Variants in ABLIM1 observed in about 807,000 individuals in gnomAD.
ABLIM1 encodes actin binding LIM protein 1.
In ABLIM1, 40 loss-of-function variants were observed where a neutral mutation model predicts 107.0. The ratio of observed to expected loss-of-function variants is 0.37; its 90% CI spans 0.29 to 0.49. ABLIM1 has a LOEUF of 0.49. Ranked by LOEUF, ABLIM1 falls within the 20% of genes least tolerant of loss-of-function variation. ABLIM1 has a pLI of 0.97. For missense variants in ABLIM1, 857 were observed against 1,008.5 expected, an observed-to-expected ratio of 0.85 and a Z score of 2.04; for synonymous variants, 357 against 357.3, an observed-to-expected ratio of 1.00 and a Z score of 0.01.
intron 6 of ABLIM1, among the ~76,000 whole-genome samples, chr10:114,493,480 C>A (rs955202591): frequency 1.3e-5 from 2 of 152,142 alleles, no homozygotes; most frequent in Non-Finnish European, 2.9e-5. Context: ...AAGACAGGAA[C>A]AAGACAAAGG....
chr10:114,499,278 C>A (rs2060080582), intron 6 of ABLIM1, among the ~76,000 whole-genome samples: 1 of 152,226 alleles, frequency 6.6e-6, no homozygotes, highest in African/African-American at 2.4e-5. Context: ...AAAGACGTAG[C>A]ACTGAAAGAT....
At chr10:114,461,127 G>A (rs186352424) in intron 12 of ABLIM1, among the ~76,000 whole-genome samples, 48 of 150,968 alleles carry the variant, frequency 3.2e-4, no homozygotes, top group Admixed American at 7.9e-4. Context: ...GCAGTGGCTC[G>A]ATCTCAGCTC....
At chr10:114,550,291 A>C (rs2067894930) in intron 4 of ABLIM1, among the ~76,000 whole-genome samples, 2 of 152,200 alleles carry the variant, frequency 1.3e-5, no homozygotes, top group African/African-American at 4.8e-5. Context: ...AGTTTACTAT[A>C]AAGATAAAAA....
At position 114,547,712 on chromosome 10, in the gene ABLIM1, C is replaced by A; in HGVS notation, c.738G>T (p.Trp246Cys). 6.2e-7 allele frequency: 1 copy of A among 1,613,554 alleles called. No homozygotes were observed. The highest frequency in any genetic ancestry group is 8.5e-7 in the Non-Finnish European group (1 of 1,180,032). Residue 246 changes from tryptophan to cysteine, a missense_variant, in exon 5 of 23, where the codon TGG becomes TGT. Around this residue, in one of 5 missense-constraint regions of ABLIM1, gnomAD observed 381 missense variants for 506.9 expected, o/e 0.75. Transcript: ENST00000533213. ...GQALLALDKQWHLGCFKCKSC... is the reference protein window; with the variant it reads ...GQALLALDKQCHLGCFKCKSC... The stretch of plus-strand genomic sequence containing the variant: ...ACTTGCATTTAAAGCACCCCAAGTG[C>A]CACTGCTTATCCAGCGCCAGCAGCG...
intron 10 of ABLIM1, among the ~76,000 whole-genome samples, chr10:114,468,604 C>T (rs958287222): frequency 2.6e-5 from 4 of 151,752 alleles, no homozygotes; most frequent in Admixed American, 2.6e-4. Context: ...AGTTGTTTAT[C>T]AGAGTCAGCT....
chr10:114,598,837 T>C (rs1022240998), intron 2 of ABLIM1, among the ~76,000 whole-genome samples: 3 of 149,782 alleles, frequency 2.0e-5, no homozygotes, highest in African/African-American at 7.4e-5. Flanking sequence ...GTGGCTTGCA[T>C]TTTTTTTTTA....
intron 1 of ABLIM1, among the ~76,000 whole-genome samples, chr10:114,644,747 A>G (rs1310749478): frequency 6.6e-6 from 1 of 152,218 alleles, no homozygotes; most frequent in Non-Finnish European, 1.5e-5. Flanking sequence ...AGAAACATAT[A>G]AAAGTCCCAG....
At chr10:114,496,704 C>T (rs2059712927) in intron 6 of ABLIM1, among the ~76,000 whole-genome samples, 1 of 152,212 alleles carries the variant, frequency 6.6e-6, no homozygotes, top group African/African-American at 2.4e-5. Context: ...AAAAACCTAA[C>T]CCTAGCCCAT....
chr10:114,490,731 G>A (rs2135015760), intron 7 of ABLIM1, among the ~76,000 whole-genome samples: 1 of 150,314 alleles, frequency 6.7e-6, no homozygotes, highest in East Asian at 1.9e-4. Context: ...CATAAAAACT[G>A]ATCATATATA....
rs946499519 is a variant in ABLIM1, at chr10:114,515,722, T to C, written c.895-23844A>G. ...TGGAATGAGCTCATACTGGAATAGG[T>C]TGGGCTGTTAATCCACTATGACTGA... On this transcript the variant is annotated intron_variant, in intron 6 of 22. Coordinates refer to ENST00000533213, the MANE Select transcript of ABLIM1 (RefSeq NM_002313.7). Among the ~76,000 whole-genome samples the C allele has an allele frequency of 3.3e-5, 5 of 152,164 alleles. No homozygotes were observed. The South Asian group carries it at 6.2e-4, about 19-fold the overall frequency.
chr10:114,473,828 T>A, intron 9 of ABLIM1, 51 bp downstream of exon 9: 1 of 1,410,612 alleles, frequency 7.1e-7, no homozygotes, highest in Non-Finnish European at 1.0e-6. Flanking sequence ...GCTATTACAA[T>A]CCACTAATTT....
At chr10:114,621,433 C>A (rs2140436065) in intron 1 of ABLIM1, among the ~76,000 whole-genome samples, 1 of 152,290 alleles carries the variant, frequency 6.6e-6, no homozygotes, top group African/African-American at 2.4e-5. Context: ...CTCCCCGACC[C>A]ATACACCTCA....
chr10:114,760,174 T>C (rs987984299), intron 1 of ABLIM1, among the ~76,000 whole-genome samples: 1 of 152,050 alleles, frequency 6.6e-6, no homozygotes, highest in Admixed American at 6.6e-5. Flanking sequence ...AAATACTAGC[T>C]GATTGAATCT....
intron 17 of ABLIM1, among the ~76,000 whole-genome samples, chr10:114,443,311 T>A (rs1015237938): frequency 7.0e-6 from 1 of 142,894 alleles, no homozygotes; most frequent in East Asian, 2.1e-4. Context: ...TATTGAAGAT[T>A]TTTTTTCTTT....
chr10:114,514,062 C>T (rs1193119244), intron 6 of ABLIM1, among the ~76,000 whole-genome samples: 39 of 152,320 alleles, frequency 2.6e-4, no homozygotes, highest in Non-Finnish European at 4.4e-5. Flanking sequence ...AGTTTCTCTA[C>T]TGCTGCTCAC....
At chr10:114,462,921 C>T (rs2064247924) in intron 12 of ABLIM1, 2 of 1,080,910 alleles carry the variant, frequency 1.9e-6, no homozygotes, top group Non-Finnish European at 2.5e-6. Context: ...TCATGACACA[C>T]GCAGGCATGC....
In ABLIM1 at chr10:114,504,222, G is replaced by T. The variant is rs1017591444; in HGVS notation, c.895-12344C>A. On this transcript the variant is annotated intron_variant, in intron 6 of 22. Coordinates refer to ENST00000533213, the MANE Select transcript of ABLIM1 (RefSeq NM_002313.7). ...TTTGTTAACAATACCCTTTGTACTT[G>T]TTCTGTAGTTGAATGTTTAGAAAGT... Among the ~76,000 whole-genome samples the T allele has an allele frequency of 3.3e-5, 5 of 152,034 alleles. No individual in the cohort carries two copies. In the South Asian group the frequency reaches 1.0e-3, roughly 32 times the overall value.
At chr10:114,447,695 G>A (rs2061223516) in intron 15 of ABLIM1, among the ~76,000 whole-genome samples, 185 bp downstream of exon 15, 1 of 152,176 alleles carries the variant, frequency 6.6e-6, no homozygotes, top group Non-Finnish European at 1.5e-5. Context: ...ATGTGTTTTT[G>A]TAACTTTTAA....
chr10:114,458,886 G>A (rs1355017318), intron 12 of ABLIM1, among the ~76,000 whole-genome samples: 1 of 152,170 alleles, frequency 6.6e-6, no homozygotes, highest in South Asian at 2.1e-4. Context: ...CAAATCTCTA[G>A]GCATAAGGTT....
Sources: gnomAD v4.1 joint callset for allele counts (sites outside exome capture counted in the v4.1 genomes callset) on GRCh38, gnomAD v4.1.1 for gene constraint, gnomAD v4.1.1 regional missense constraint, MANE v1.5 for transcripts, NCBI Gene and HGNC (gene_info 2026-07-23, HGNC 2026-07-21) for gene names.